The following TPD52L1 variants were observed in gnomAD, a reference collection of about 807,000 sequenced individuals.
TPD52L1 encodes TPD52 like 1.
A neutral mutation model predicts 28.7 loss-of-function variants in TPD52L1; 18 were observed. The observed-to-expected ratio is 0.63, with a 90% CI of 0.43 to 0.93. The LOEUF (loss-of-function observed/expected upper bound fraction) is 0.93. Among genes scored for constraint, TPD52L1 ranks in the 40% least tolerant of loss-of-function variants. The pLI is 0.00. For synonymous variants in TPD52L1, 75 were observed against 88.8 expected (o/e 0.84, Z 0.88); for missense variants, 203 against 254.8 (o/e 0.80, Z 1.39).
At chr6:125,163,290 T>C (rs1248100472) in intron 1 of TPD52L1, among the ~76,000 whole-genome samples, 5 of 152,206 alleles carry the variant, frequency 3.3e-5, no homozygotes, top group African/African-American at 1.2e-4. Flanking sequence ...TGGCATGCAC[T>C]TTTTTAAAAA....
chr6:125,239,790 T>C (rs76755324), intron 3 of TPD52L1, among the ~76,000 whole-genome samples: 3,840 of 152,292 alleles, frequency 0.025, 41 homozygotes, highest in Middle Eastern at 0.041. Context: ...CTGGTTTGTC[T>C]GTTTGCTGAT....
rs112450773 is a variant in TPD52L1, at chr6:125,259,563, A to T, written c.486+2405A>T. On this transcript the variant is annotated intron_variant, in intron 6 of 6. Transcript: ENST00000534000. ...AGTAAATGCAGAACGAACTCCTGTGAAGCCACTTTTGGTATCTTCTGCCAT... is the reference window on the plus strand; with the variant it reads ...AGTAAATGCAGAACGAACTCCTGTGTAGCCACTTTTGGTATCTTCTGCCAT... Among the ~76,000 whole-genome samples the T allele has an allele frequency of 1.8e-3, 268 of 152,354 alleles. 2 individuals are homozygous for T. The highest frequency in any genetic ancestry group is 6.0e-3 in the African/African-American group (248 of 41,578).
At chr6:125,233,474 A>G (rs991044069) in intron 3 of TPD52L1, among the ~76,000 whole-genome samples, 3 of 152,092 alleles carry the variant, frequency 2.0e-5, no homozygotes, top group Admixed American at 6.6e-5. Context: ...TACACACCCA[A>G]TCTCTCACAT....
intron 1 of TPD52L1, among the ~76,000 whole-genome samples, chr6:125,183,598 T>C (rs1352161732): frequency 2.1e-4 from 32 of 152,148 alleles, no homozygotes; most frequent in Non-Finnish European, 4.4e-5. Context: ...CATGATGTAG[T>C]TCATATTCTC....
intron 3 of TPD52L1, among the ~76,000 whole-genome samples, chr6:125,233,173 G>T (rs1243115719): frequency 1.3e-5 from 2 of 152,164 alleles, no homozygotes; most frequent in African/African-American, 4.8e-5. Context: ...AGTCGACAGA[G>T]GGCAGAGGTT....
chr6:125,183,768 G>A (rs145510343), intron 1 of TPD52L1, among the ~76,000 whole-genome samples: 22 of 152,190 alleles, frequency 1.4e-4, no homozygotes, highest in Non-Finnish European at 2.4e-4. Context: ...CCTTTTTTCC[G>A]CAAAGTCCAA....
intron 3 of TPD52L1, among the ~76,000 whole-genome samples, chr6:125,245,751 A>G (rs965715477): frequency 9.2e-5 from 14 of 151,966 alleles, no homozygotes; most frequent in African/African-American, 3.1e-4. Flanking sequence ...GGCCAGTCTC[A>G]CTCCTGCAGT....
At chr6:125,201,160 A>G (rs1432807367) in intron 1 of TPD52L1, among the ~76,000 whole-genome samples, 1 of 152,204 alleles carries the variant, frequency 6.6e-6, no homozygotes, top group African/African-American at 2.4e-5. Flanking sequence ...AGGGTCATTA[A>G]GAAGGCAGGA....
chr6:125,199,349 A>G (rs538437876), intron 1 of TPD52L1, among the ~76,000 whole-genome samples: 62 of 152,318 alleles, frequency 4.1e-4, no homozygotes, highest in African/African-American at 1.5e-3. Flanking sequence ...AAAAAGTCAC[A>G]TGTTAAATTC....
At chr6:125,161,323 C>T (rs996738608) in intron 1 of TPD52L1, among the ~76,000 whole-genome samples, 5 of 152,164 alleles carry the variant, frequency 3.3e-5, no homozygotes, top group African/African-American at 1.2e-4. Flanking sequence ...CTATCCAGAC[C>T]ACTCAAACTT....
intron 1 of TPD52L1, among the ~76,000 whole-genome samples, chr6:125,155,667 C>T (rs478265): frequency 0.46 from 70,494 of 152,002 alleles, 17,026 homozygotes; most frequent in African/African-American, 0.6. Context: ...TGTAAAATCA[C>T]TGCCATGCTG....
At chr6:125,210,619 G>A (rs1794433503) in intron 1 of TPD52L1, among the ~76,000 whole-genome samples, 1 of 152,138 alleles carries the variant, frequency 6.6e-6, no homozygotes, top group African/African-American at 2.4e-5. Flanking sequence ...GCACCACAGT[G>A]AAATATTTTT....
chr6:125,245,370 G>A (rs1446974487), intron 3 of TPD52L1, among the ~76,000 whole-genome samples: 1 of 152,168 alleles, frequency 6.6e-6, no homozygotes, highest in African/African-American at 2.4e-5. Flanking sequence ...TTTTCAAGAA[G>A]GCACCAGCTG....
chr6:125,171,364 T>C (rs986819005), intron 1 of TPD52L1, among the ~76,000 whole-genome samples: 4 of 152,214 alleles, frequency 2.6e-5, no homozygotes, highest in Non-Finnish European at 4.4e-5. Context: ...GCTTCTGTTA[T>C]TGATATTCTT....
At chr6:125,203,532 A>C (rs1280071208) in intron 1 of TPD52L1, 3 of 597,552 alleles carry the variant, frequency 5.0e-6, no homozygotes, top group South Asian at 1.5e-4. Context: ...GGAGGAGCTG[A>C]GGATATTTGT....
intron 1 of TPD52L1, among the ~76,000 whole-genome samples, chr6:125,183,093 C>G (rs958453300): frequency 6.6e-5 from 10 of 152,202 alleles, no homozygotes; most frequent in African/African-American, 2.2e-4. Flanking sequence ...ATGAAGAACA[C>G]TGAAGCACCC....
At chr6:125,172,376 C>T (rs1157183607) in intron 1 of TPD52L1, among the ~76,000 whole-genome samples, 1 of 141,158 alleles carries the variant, frequency 7.1e-6, no homozygotes, top group Admixed American at 7.5e-5. Flanking sequence ...TAGTGTTAAA[C>T]TTCTGGCCTC....
chr6:125,160,089 C>T (rs57391537), intron 1 of TPD52L1, among the ~76,000 whole-genome samples: 12,391 of 152,146 alleles, frequency 0.081, 542 homozygotes, highest in Middle Eastern at 0.11. Flanking sequence ...CCCAGCCATG[C>T]GGAACTGTGA....
chr6:125,263,926 T>C lies in TPD52L1; in HGVS notation c.*964T>C, dbSNP rs1386820322. The C allele has an allele frequency of 6.6e-6, 1 of 152,158 alleles. No individual in the cohort carries two copies. Among genetic ancestry groups the C allele is most frequent in the Non-Finnish European group, 1.5e-5 (1 of 68,028 alleles). 9.4% of individuals were successfully genotyped at this position (152,158 alleles called of 1,614,324 possible). A position where few individuals can be genotyped will look rare whatever the true frequency, so the allele number is the denominator to read the frequency against. On this transcript the variant is annotated 3_prime_UTR_variant, in exon 7 of 7. Transcript: ENST00000534000. ...ACATGAGAGAGGATATGAAAATAAA[T>C]ATTACCTCAGCTATCCTAGGATGTT...
Sources: allele counts gnomAD v4.1 joint callset (sites outside exome capture counted in the v4.1 genomes callset), GRCh38; gene constraint gnomAD v4.1.1; transcripts MANE v1.5; gene names NCBI Gene and HGNC (gene_info 2026-07-23, HGNC 2026-07-21).